MAPK14: variants seen among roughly 807,000 people sequenced by gnomAD.
MAPK14 encodes CSAID-binding protein.
MAPK14 carries 16 observed loss-of-function variants against 49.6 expected under a neutral mutation model. The observed-to-expected ratio is 0.32, with a 90% confidence interval of 0.22 to 0.49. The LOEUF (loss-of-function observed/expected upper bound fraction) is 0.49, where lower values mean the gene tolerates loss of function less well. Ranked by LOEUF, MAPK14 falls within the 20% of genes least tolerant of loss-of-function variation. The pLI is 0.99. For synonymous variants in MAPK14, 142 were observed against 158.0 expected (o/e 0.90, Z 0.76); for missense variants, 200 against 441.2 (o/e 0.45, Z 4.90).
At chr6:36,061,745 A>G (rs527447291) in intron 3 of MAPK14, among the ~76,000 whole-genome samples, 56 of 152,330 alleles carry the variant, frequency 3.7e-4, no homozygotes, top group Non-Finnish European at 6.9e-4. Flanking sequence ...TATCCAAGCT[A>G]CCAATTGGCC....
At chr6:36,029,920 A>C (rs746649016) in intron 1 of MAPK14, among the ~76,000 whole-genome samples, 1 of 151,380 alleles carries the variant, frequency 6.6e-6, no homozygotes, top group Non-Finnish European at 1.5e-5. Flanking sequence ...CAGTATATAC[A>C]TATTATATAG....
intron 9 of MAPK14, chr6:36,097,381 A>G (rs557447579): frequency 2.0e-5 from 3 of 152,360 alleles, no homozygotes; most frequent in Non-Finnish European, 4.4e-5. Flanking sequence ...TGTTACCACA[A>G]TGTCAACCTA....
intron 1 of MAPK14, among the ~76,000 whole-genome samples, chr6:36,035,469 C>G (rs1016712480): frequency 6.6e-6 from 1 of 151,674 alleles, no homozygotes; most frequent in Non-Finnish European, 1.5e-5. Flanking sequence ...TGAAATTAGG[C>G]CAATTAATAA....
intron 10 of MAPK14, among the ~76,000 whole-genome samples, chr6:36,104,139 G>A (rs935025953): frequency 5.9e-5 from 9 of 152,162 alleles, no homozygotes; most frequent in African/African-American, 2.2e-4. Context: ...GGATGAGTTC[G>A]TGTCAGCCTT....
At chr6:36,095,232 A>G (rs2127466951) in intron 8 of MAPK14, among the ~76,000 whole-genome samples, 1 of 152,314 alleles carries the variant, frequency 6.6e-6, no homozygotes, top group African/African-American at 2.4e-5. Context: ...GTGGCCTATT[A>G]TTTAGAGCCT....
At chr6:36,029,040 T>G (rs1346825187) in intron 1 of MAPK14, 6 of 152,076 alleles carry the variant, frequency 3.9e-5, no homozygotes. Context: ...GCTCACTGAT[T>G]AGTCACATAC....
At position 36,107,715 on chromosome 6, in the gene MAPK14, C is replaced by A. The variant is rs919213676; in HGVS notation, c.1015+87C>A. 3.1e-6 allele frequency: 3 copies of A among 980,808 alleles called. No homozygotes were observed. The African/African-American group carries it at 4.9e-5, about 16-fold the overall frequency. The allele number at this position is 980,808 out of a possible 1,614,324, so 60.8% of individuals were successfully genotyped here. A position where few individuals can be genotyped will look rare whatever the true frequency, so the allele number is the denominator to read the frequency against. On this transcript the variant is annotated intron_variant, in intron 11 of 11. Transcript: ENST00000229794. This position sits in a 1 kb window ranked among gnomAD's most constrained non-coding sequence, Gnocchi z 4.3. ...AAACTGAATGGTCATAACCAACTTG[C>A]TAAAGCTTGTAGATGAGGTCTCTAA...
downstream of MAPK14, among the ~76,000 whole-genome samples, chr6:36,115,844 C>A (rs994779853): frequency 6.6e-6 from 1 of 151,158 alleles, no homozygotes; most frequent in African/African-American, 2.4e-5. Flanking sequence ...GGGAAAATTG[C>A]TTGAACCTGG....
In MAPK14 at chr6:36,042,659, A is replaced by AT. The variant is rs1175269944; in HGVS notation, c.117-10026dup. On this transcript the variant is annotated intron_variant, in intron 1 of 11. Coordinates refer to ENST00000229794, the MANE Select transcript of MAPK14 (RefSeq NM_139012.3). ...AGGTGTGTGCCGCCATGCCCACCTAATTTTTTTTTTTTTTCGTAGACACGA... is the reference window on the plus strand; with the variant it reads ...AGGTGTGTGCCGCCATGCCCACCTAATTTTTTTTTTTTTTTCGTAGACACGA... 2.9e-3 allele frequency among the ~76,000 whole-genome samples: 404 copies of AT among 137,060 alleles called. 2 individuals carry two copies. Among genetic ancestry groups the AT allele is most frequent in the East Asian group, 7.2e-3 (34 of 4,748 alleles). The allele number at this position is 137,060 out of a possible 152,430, so 89.9% of individuals were successfully genotyped here.
chr6:36,032,132 A>T (rs1762569115), intron 1 of MAPK14, among the ~76,000 whole-genome samples: 1 of 152,078 alleles, frequency 6.6e-6, no homozygotes, highest in African/African-American at 2.4e-5. Context: ...TATTTCAATG[A>T]ATAAAATTCA....
chr6:36,073,287 A>G (rs536656871), intron 4 of MAPK14, among the ~76,000 whole-genome samples: 1 of 152,394 alleles, frequency 6.6e-6, no homozygotes, highest in East Asian at 1.9e-4. Context: ...AGGACTCTTC[A>G]TTCTTACATC....
Position 36,107,348 on chromosome 6 carries a change from G to C in MAPK14, c.842-107G>C. ...ATCCTAGAGTAGGTATTTTGGAGGA[G>C]AGTTCTTTGTTTGGATATGAAGGGT... On this transcript the variant is annotated intron_variant, in intron 10 of 11. Transcript: ENST00000229794. The surrounding 1 kb of genome is among the most constrained non-coding windows in gnomAD (Gnocchi z 4.3). The C allele has an allele frequency of 1.5e-6, 1 of 675,208 alleles. No individual in the cohort carries two copies. The highest frequency in any genetic ancestry group is 2.4e-6 in the Non-Finnish European group (1 of 416,074). 41.8% of individuals were successfully genotyped at this position (675,208 alleles called of 1,614,324 possible). A position where few individuals can be genotyped will look rare whatever the true frequency, so the allele number is the denominator to read the frequency against.
intron 1 of MAPK14, among the ~76,000 whole-genome samples, chr6:36,042,040 A>G (rs970977196): frequency 2.1e-5 from 2 of 96,214 alleles, no homozygotes; most frequent in Non-Finnish European, 5.3e-5. Flanking sequence ...TTCAGACAAG[A>G]GAAAACATAA....
chr6:36,106,462 C>G (rs1214564870), intron 10 of MAPK14, among the ~76,000 whole-genome samples: 2 of 152,096 alleles, frequency 1.3e-5, no homozygotes, highest in Non-Finnish European at 2.9e-5. Flanking sequence ...TTTCAACAAA[C>G]TAGTTCTAAA....
chr6:36,071,051 A>G (rs568591374), intron 3 of MAPK14, among the ~76,000 whole-genome samples: 152 of 152,216 alleles, frequency 1.0e-3, no homozygotes, highest in African/African-American at 3.3e-3. Context: ...TCAGCCTCTT[A>G]GCCAGGCACG....
intron 1 of MAPK14, among the ~76,000 whole-genome samples, chr6:36,039,085 T>C (rs1235787829): frequency 6.6e-6 from 1 of 152,200 alleles, no homozygotes; most frequent in African/African-American, 2.4e-5. Flanking sequence ...CAAGGACTTC[T>C]CTGTTAAACT....
the MAPK14 span, among the ~76,000 whole-genome samples, chr6:36,121,954 C>T: frequency 2.0e-5 from 3 of 152,188 alleles, no homozygotes; most frequent in Non-Finnish European, 4.4e-5. Flanking sequence ...GTATGTAAAG[C>T]TCTTATAACA....
rs142415666 is a variant in MAPK14 at position 36,107,574 on chromosome 6, G to C, written c.961G>C (p.Asp321His). Residue 321 changes from aspartate to histidine, a missense_variant, in exon 11 of 12, where the codon GAT becomes CAT. By Grantham distance (81) the Asp-to-His change is moderately conservative (BLOSUM62 -1). This residue lies in a region of MAPK14 where 170 missense variants were observed against 407.0 expected (regional missense o/e 0.42). Coordinates refer to ENST00000229794, the MANE Select transcript of MAPK14 (RefSeq NM_139012.3). This position sits in a 1 kb window ranked among gnomAD's most constrained non-coding sequence, Gnocchi z 4.3. Reference sequence around the variant, plus strand: ...CGATCCTGATGATGAACCAGTGGCCGATCCTTATGATCAGTCCTTTGAAAG... The same window carrying C: ...CGATCCTGATGATGAACCAGTGGCCCATCCTTATGATCAGTCCTTTGAAAG... Reference protein sequence around the residue: ...YHDPDDEPVADPYDQSFESRD... With the variant: ...YHDPDDEPVAHPYDQSFESRD... The C allele has an allele frequency of 1.9e-6, 3 of 1,604,158 alleles. No individual in the cohort carries two copies. The highest frequency in any genetic ancestry group is 1.7e-5 in the Admixed American group (1 of 58,796).
rs145344045 is a variant in MAPK14, at chr6:36,102,621, G to T, written c.813G>T (p.Ala271=). ...CTCAGATGCCGAAGATGAACTTTGCGAATGTATTTATTGGTGCCAATCCCC... is the reference window on the plus strand; with the variant it reads ...CTCAGATGCCGAAGATGAACTTTGCTAATGTATTTATTGGTGCCAATCCCC... ...SLTQMPKMNF[A]NVFIGANPLA... The change falls in exon 10 of 12, where the codon GCG becomes GCT. Residue 271 remains alanine, a synonymous_variant. Transcript: ENST00000229794. 4 of 1,613,986 alleles carry T rather than the reference G, an allele frequency of 2.5e-6. No homozygotes were observed. Among genetic ancestry groups the T allele is most frequent in the Non-Finnish European group, 1.7e-6 (2 of 1,179,934 alleles).
Sources: allele counts gnomAD v4.1 joint callset (sites outside exome capture counted in the v4.1 genomes callset), GRCh38; gene constraint gnomAD v4.1.1; regional missense constraint gnomAD v4.1.1; non-coding constraint Gnocchi (gnomAD v3.1); transcripts MANE v1.5; gene names NCBI Gene and HGNC (gene_info 2026-07-23, HGNC 2026-07-21).